Variants in EPHA4 observed in about 807,000 individuals in gnomAD.
EPHA4 encodes ephrin type-A receptor 4.
Under a neutral mutation model 108.3 loss-of-function variants are expected in EPHA4, and 19 were observed. That is an observed-to-expected ratio of 0.18 (90% CI 0.12 to 0.26). EPHA4 has a LOEUF of 0.26. Ranked by LOEUF, EPHA4 falls within the 10% of genes least tolerant of loss-of-function variation. The pLI, the probability that EPHA4 is intolerant of heterozygous loss-of-function variation, is 1.00. For synonymous variants in EPHA4, 449 were observed against 455.5 expected (o/e 0.99, Z 0.18); for missense variants, 917 against 1,254.0 (o/e 0.73, Z 4.06).
intron 13 of EPHA4, 147 bp from the exon 14 acceptor site, chr2:221,434,438 CAA>C (rs1461010081): frequency 7.6e-6 from 6 of 794,682 alleles, no homozygotes; most frequent in African/African-American, 1.8e-5. Context: ...CATTTTAACG[CAA>C]GTCTTCCAGG....
intron 3 of EPHA4, among the ~76,000 whole-genome samples, chr2:221,506,318 A>G (rs1437007720): frequency 6.6e-6 from 1 of 152,236 alleles, no homozygotes; most frequent in Admixed American, 6.5e-5. Context: ...AATATAAGAA[A>G]AAATGATGGG....
At chr2:221,509,880 T>C (rs1193568005) in intron 3 of EPHA4, among the ~76,000 whole-genome samples, 1 of 152,254 alleles carries the variant, frequency 6.6e-6, no homozygotes, top group Non-Finnish European at 1.5e-5. Flanking sequence ...GGGAAAGGCC[T>C]GAACTTGGTT....
chr2:221,570,511 C>A (rs1694799747), intron 1 of EPHA4, among the ~76,000 whole-genome samples: 1 of 152,118 alleles, frequency 6.6e-6, no homozygotes, highest in Admixed American at 6.5e-5. Flanking sequence ...GCACCAGAAC[C>A]ACCAGAAGCC....
At chr2:221,437,304 A>G in intron 11 of EPHA4, 182 bp from the exon 12 acceptor site, 1 of 513,528 alleles carries the variant, frequency 1.9e-6, no homozygotes, top group Non-Finnish European at 3.5e-6. Flanking sequence ...AAGGACGAGT[A>G]GGTTTAAATT....
intron 17 of EPHA4, among the ~76,000 whole-genome samples, chr2:221,423,990 G>A (rs974429314): frequency 6.6e-6 from 1 of 151,928 alleles, no homozygotes; most frequent in African/African-American, 2.4e-5. Context: ...GGTGGTGGGT[G>A]CCTGTAATCC....
intron 4 of EPHA4, among the ~76,000 whole-genome samples, chr2:221,490,463 G>T (rs1692107423): frequency 6.6e-6 from 1 of 152,028 alleles, no homozygotes; most frequent in South Asian, 2.1e-4. Context: ...GGGAAATGGA[G>T]CATCCCCCAA....
At chr2:221,558,343 C>A (rs1213108418) in intron 3 of EPHA4, among the ~76,000 whole-genome samples, 1 of 151,804 alleles carries the variant, frequency 6.6e-6, no homozygotes, top group Non-Finnish European at 1.5e-5. Context: ...GGTAGACTTA[C>A]AATTTTTACT....
chr2:221,438,868 C>T (rs551555698), intron 11 of EPHA4, among the ~76,000 whole-genome samples: 28 of 152,136 alleles, frequency 1.8e-4, no homozygotes, highest in Non-Finnish European at 3.7e-4. Context: ...ATGGGCTGAA[C>T]TATTTCACCG....
chr2:221,446,286 T>C, intron 8 of EPHA4, 105 bp from the exon 9 acceptor site: 1 of 539,562 alleles, frequency 1.9e-6, no homozygotes, highest in Non-Finnish European at 3.0e-6. Flanking sequence ...GCAGGTATGC[T>C]ATGTACATTT....
In EPHA4 at chr2:221,426,026, G is replaced by C; in HGVS notation, c.*2C>G. 1.2e-6 allele frequency: 2 copies of C among 1,613,064 alleles called. No individual in the cohort carries two copies. The highest frequency in any genetic ancestry group is 1.7e-6 in the Non-Finnish European group (2 of 1,179,080). ...AGAGTTTTGAGTTTATTCAGTACTG[G>C]CTCAGACGGGAACCATTCTGCCGTG... On this transcript the variant is annotated 3_prime_UTR_variant, in exon 17 of 18. Coordinates refer to ENST00000281821, the MANE Select transcript of EPHA4 (RefSeq NM_004438.5).
At chr2:221,490,189 C>A (rs1574606552) in intron 4 of EPHA4, among the ~76,000 whole-genome samples, 2 of 137,312 alleles carry the variant, frequency 1.5e-5, no homozygotes, top group Admixed American at 7.4e-5. Context: ...TTTTGTATGT[C>A]ACAAAAGCTA....
At chr2:221,475,679 T>C (rs1053735655) in intron 5 of EPHA4, among the ~76,000 whole-genome samples, 1 of 152,258 alleles carries the variant, frequency 6.6e-6, no homozygotes, top group African/African-American at 2.4e-5. Flanking sequence ...TTACACAATA[T>C]ATAAACACAT....
At position 221,452,570 on chromosome 2, in the gene EPHA4, G is replaced by A. The variant is rs562702033; in HGVS notation, c.1715+2977C>T. 8.5e-5 allele frequency among the ~76,000 whole-genome samples: 13 copies of A among 152,324 alleles called. No individual in the cohort carries two copies. In the South Asian group the frequency reaches 1.5e-3, roughly 17 times the overall value. On this transcript the variant is annotated intron_variant, in intron 8 of 17. Coordinates refer to ENST00000281821, the MANE Select transcript of EPHA4 (RefSeq NM_004438.5). ...GCAAGCCTGTCAGCTACCTGGCTCC[G>A]GGCGGCCTTTCCCATGACAGCTTTA...
intron 3 of EPHA4, among the ~76,000 whole-genome samples, chr2:221,538,671 A>G (rs768077546): frequency 2.7e-4 from 41 of 152,316 alleles, no homozygotes; most frequent in Non-Finnish European, 4.7e-4. Context: ...TGATCTAGTA[A>G]ATAAACCTGC....
At chr2:221,505,379 G>A (rs1286289015) in intron 3 of EPHA4, among the ~76,000 whole-genome samples, 1 of 152,030 alleles carries the variant, frequency 6.6e-6, no homozygotes, top group African/African-American at 2.4e-5. Flanking sequence ...AGGTTGGAGT[G>A]CAATGGTGTG....
chr2:221,551,719 TGGAG>T (rs1375510574), intron 3 of EPHA4, among the ~76,000 whole-genome samples: 1 of 152,168 alleles, frequency 6.6e-6, no homozygotes, highest in Non-Finnish European at 1.5e-5. Context: ...CTTTATCCTA[TGGAG>T]GAAAACTTCC....
At chr2:221,554,183 T>C (rs971574455) in intron 3 of EPHA4, among the ~76,000 whole-genome samples, 4 of 152,208 alleles carry the variant, frequency 2.6e-5, no homozygotes, top group Non-Finnish European at 5.9e-5. Context: ...ATTCTGCTGC[T>C]CTTTAATCCT....
chr2:221,486,189 AC>A (rs759003951), intron 4 of EPHA4, among the ~76,000 whole-genome samples: 38 of 152,234 alleles, frequency 2.5e-4, no homozygotes, highest in Admixed American at 6.5e-4. Flanking sequence ...ATCTGAATCG[AC>A]CTACTGAGTA....
Position 221,498,861 on chromosome 2 carries a change from G to A in EPHA4, c.979+2156C>T, listed in dbSNP as rs113962201. Among the ~76,000 whole-genome samples the A allele has an allele frequency of 1.9e-3, 275 of 147,308 alleles. 9 individuals carry two copies. The East Asian group carries it at 0.048, about 25-fold the overall frequency. ...GGGTGGAGTCCAGTGGTGCAATCTC[G>A]GCTCACTGCAACCTCTGCCTTCCGG... On this transcript the variant is annotated intron_variant, in intron 4 of 17. Transcript: ENST00000281821.
Sources: allele counts gnomAD v4.1 joint callset (sites outside exome capture counted in the v4.1 genomes callset), GRCh38; gene constraint gnomAD v4.1.1; transcripts MANE v1.5; gene names NCBI Gene and HGNC (gene_info 2026-07-23, HGNC 2026-07-21).